Variants in MBD5 observed in about 807,000 individuals in gnomAD.
MBD5 encodes the protein methyl-CpG binding domain protein 5, also known as methyl-CpG-binding domain protein 5.
In MBD5, 13 loss-of-function variants were observed where a neutral mutation model predicts 117.3. That is an observed-to-expected ratio of 0.11 (90% CI 0.07 to 0.18). MBD5 has a LOEUF of 0.18. Among genes scored for constraint, MBD5 ranks in the 10% least tolerant of loss-of-function variants. The pLI is 1.00. For synonymous variants in MBD5, 727 were observed against 766.4 expected, an observed-to-expected ratio of 0.95 and a Z score of 0.85; for missense variants, 1,879 against 2,093.8, an observed-to-expected ratio of 0.90 and a Z score of 2.00.
chr2:148,291,505 C>T (rs950935355), intron 3 of MBD5, among the ~76,000 whole-genome samples: 10 of 151,942 alleles, frequency 6.6e-5, no homozygotes, highest in African/African-American at 1.2e-4. Context: ...ATTCATTGCC[C>T]GTTTAGAGAA....
At chr2:148,226,940 A>T (rs1011650493) in intron 2 of MBD5, among the ~76,000 whole-genome samples, 4 of 151,724 alleles carry the variant, frequency 2.6e-5, no homozygotes, top group African/African-American at 9.7e-5. Context: ...CATACCCTTG[A>T]CCCACTTTTT....
At chr2:148,026,611 G>T (rs139282540) in intron 1 of MBD5, 70 of 152,120 alleles carry the variant, frequency 4.6e-4, no homozygotes, top group African/African-American at 1.7e-3. Context: ...CCACAGAGCG[G>T]GACCTTGTCT....
intron 3 of MBD5, among the ~76,000 whole-genome samples, chr2:148,272,940 A>C (rs1701020509): frequency 6.6e-6 from 1 of 152,212 alleles, no homozygotes; most frequent in African/African-American, 2.4e-5. Context: ...ACAAAATTAC[A>C]TTTTGTTTCC....
At chr2:148,160,441 G>A (rs1473291709) in intron 1 of MBD5, among the ~76,000 whole-genome samples, 1 of 152,062 alleles carries the variant, frequency 6.6e-6, no homozygotes, top group Non-Finnish European at 1.5e-5. Context: ...GGTATATAAG[G>A]TAGTTATGAA....
chr2:148,492,443 A>G (rs916059229), intron 11 of MBD5, among the ~76,000 whole-genome samples: 6 of 152,030 alleles, frequency 3.9e-5, no homozygotes, highest in Non-Finnish European at 5.9e-5. Context: ...TTAGTAATTC[A>G]GAGAATTTAA....
At chr2:148,187,793 A>C (rs931390077) in intron 2 of MBD5, among the ~76,000 whole-genome samples, 11 of 152,186 alleles carry the variant, frequency 7.2e-5, no homozygotes, top group African/African-American at 2.7e-4. Context: ...TAAAGTCTTA[A>C]GGCAGAAGAA....
intron 3 of MBD5, among the ~76,000 whole-genome samples, chr2:148,276,970 C>T (rs1435963416): frequency 2.0e-5 from 3 of 152,076 alleles, no homozygotes; most frequent in African/African-American, 4.8e-5. Context: ...TTTGTATTTT[C>T]TCTCATTTTG....
intron 1 of MBD5, chr2:148,044,897 C>T (rs555783798): frequency 2.0e-5 from 3 of 152,152 alleles, no homozygotes; most frequent in East Asian, 3.9e-4. Flanking sequence ...GGTGATTTCC[C>T]TGCTGCCTCT....
chr2:148,156,975 C>A (rs6430298), intron 1 of MBD5, among the ~76,000 whole-genome samples: 62,512 of 151,964 alleles, frequency 0.41, 13,150 homozygotes, highest in South Asian at 0.5. Flanking sequence ...TTCATAAGTG[C>A]TTGTCCCTAT....
Position 148,516,937 on chromosome 2 carries a change from T to G in MBD5, c.*3996T>G, listed in dbSNP as rs1187350459. The G allele has an allele frequency of 2.0e-5, 3 of 152,254 alleles. No individual in the cohort carries two copies. The highest frequency in any genetic ancestry group is 2.9e-5 in the Non-Finnish European group (2 of 68,052). 9.4% of individuals were successfully genotyped at this position (152,254 alleles called of 1,614,324 possible). A position where few individuals can be genotyped will look rare whatever the true frequency, so the allele number is the denominator to read the frequency against. On this transcript the variant is annotated 3_prime_UTR_variant, in exon 14 of 14. Coordinates refer to ENST00000642680, the MANE Select transcript of MBD5 (RefSeq NM_001378120.1). Reference sequence around the variant, plus strand: ...TGTGTTTTGTAACATCATGCCTTTATGGATTAAGTATAAATACACTGGATT... The same window carrying G: ...TGTGTTTTGTAACATCATGCCTTTAGGGATTAAGTATAAATACACTGGATT...
chr2:148,295,884 T>G (rs867725530), intron 3 of MBD5: 35 of 163,406 alleles, frequency 2.1e-4, no homozygotes, highest in Middle Eastern at 2.7e-3. Context: ...TATATTTAAA[T>G]ATTTTCAGAT....
chr2:148,272,910 G>T (rs1701019990), intron 3 of MBD5, among the ~76,000 whole-genome samples: 1 of 152,076 alleles, frequency 6.6e-6, no homozygotes, highest in African/African-American at 2.4e-5. Context: ...AATTGCTAAG[G>T]TGCAAGTATT....
At chr2:148,407,312 A>C (rs947277740) in intron 4 of MBD5, among the ~76,000 whole-genome samples, 1 of 151,700 alleles carries the variant, frequency 6.6e-6, no homozygotes, top group Admixed American at 6.6e-5. Context: ...AAGACTTGAT[A>C]ATGTGGAATT....
At chr2:148,467,818 A>T (rs1014447637) in intron 7 of MBD5, among the ~76,000 whole-genome samples, 2 of 152,218 alleles carry the variant, frequency 1.3e-5, no homozygotes, top group African/African-American at 4.8e-5. Flanking sequence ...TTGCAGTAAG[A>T]TAACAAACAT....
intron 3 of MBD5, among the ~76,000 whole-genome samples, chr2:148,258,540 C>T (rs1047257576): frequency 6.6e-5 from 10 of 152,126 alleles, no homozygotes; most frequent in South Asian, 2.1e-4. Context: ...CTGGGCATCC[C>T]GGCAAGTTCC....
intron 3 of MBD5, among the ~76,000 whole-genome samples, chr2:148,329,873 G>A (rs970379338): frequency 1.3e-5 from 2 of 151,998 alleles, no homozygotes; most frequent in Non-Finnish European, 2.9e-5. Context: ...CATTAGGCTT[G>A]TTTTATAAAA....
At chr2:148,074,016 A>AT (rs566442733) in intron 1 of MBD5, among the ~76,000 whole-genome samples, 313 of 151,468 alleles carry the variant, frequency 2.1e-3, no homozygotes, top group African/African-American at 7.1e-3. Flanking sequence ...TTCTTTTAAG[A>AT]TTTTTTTTAT....
At chr2:148,351,208 T>A (rs148656050) in intron 4 of MBD5, among the ~76,000 whole-genome samples, 4 of 152,158 alleles carry the variant, frequency 2.6e-5, no homozygotes, top group African/African-American at 9.6e-5. Context: ...TCACAGTTAA[T>A]TTCAGAGCAT....
intron 10 of MBD5, among the ~76,000 whole-genome samples, chr2:148,487,772 T>C (rs1035290360): frequency 6.6e-6 from 1 of 152,158 alleles, no homozygotes; most frequent in African/African-American, 2.4e-5. Context: ...TATGAGATGA[T>C]AGGCTAATTT....
Sources: gnomAD v4.1 joint callset for allele counts (sites outside exome capture counted in the v4.1 genomes callset) on GRCh38, gnomAD v4.1.1 for gene constraint, MANE v1.5 for transcripts, NCBI Gene and HGNC (gene_info 2026-07-23, HGNC 2026-07-21) for gene names.